Variants in ZNF91 observed in about 807,000 individuals in gnomAD.
The protein encoded by ZNF91 is zinc finger protein 91 (HPF7, HTF10).
Under a neutral mutation model 12.6 loss-of-function variants are expected in ZNF91, and 7 were observed. That is an observed-to-expected ratio of 0.55 (90% CI 0.31 to 1.04). The LOEUF (loss-of-function observed/expected upper bound fraction) is 1.04, where lower values mean the gene tolerates loss of function less well. Ranked by LOEUF, ZNF91 falls within the 50% of genes least tolerant of loss-of-function variation. The pLI, the probability that ZNF91 is intolerant of heterozygous loss-of-function variation, is 0.05. For synonymous variants in ZNF91, 453 were observed against 462.6 expected (o/e 0.98, Z 0.27); for missense variants, 1,217 against 1,385.4 (o/e 0.88, Z 1.93).
upstream of ZNF91, among the ~76,000 whole-genome samples, chr19:23,311,248 A>G (rs541757759): frequency 7.9e-5 from 12 of 152,006 alleles, no homozygotes; most frequent in East Asian, 2.1e-3. Context: ...ACCAATAAGG[A>G]ATTTGTATGT....
Position 23,321,175 on chromosome 19 carries a change from C to A in ZNF91, n.117-12078G>T, listed in dbSNP as rs140887423. On this transcript the variant is annotated intron_variant and non_coding_transcript_variant, in intron 1 of 1. Coordinates refer to the ZNF91 transcript ENST00000596528. ...TTGTGACATACGCCTCAGCCAAACACCTGATTTGACTCTCCTGCCTGGGCT... is the reference window on the plus strand; with the variant it reads ...TTGTGACATACGCCTCAGCCAAACAACTGATTTGACTCTCCTGCCTGGGCT... Among the ~76,000 whole-genome samples the A allele has an allele frequency of 7.4e-4, 113 of 152,224 alleles. 1 individual carries two copies. The East Asian group carries it at 0.02, about 27-fold the overall frequency.
At chr19:23,323,074 TTTTC>T (rs1204696098) in intron 1 of ZNF91, among the ~76,000 whole-genome samples, 2 of 147,760 alleles carry the variant, frequency 1.4e-5, no homozygotes, top group Non-Finnish European at 3.0e-5. Context: ...CCTCCCGTTT[TTTTC>T]TTTTCTTCCT....
Position 23,359,546 on chromosome 19 carries a change from G to C in ZNF91, c.3433C>G (p.Gln1145Glu). 1.9e-6 allele frequency: 3 copies of C among 1,614,012 alleles called. No individual in the cohort carries two copies. Among genetic ancestry groups the C allele is most frequent in the Non-Finnish European group, 2.5e-6 (3 of 1,179,958 alleles). Residue 1145 changes from glutamine (Q) to glutamate (E), a missense_variant, in exon 4 of 4, where the codon CAG (glutamine) becomes GAG (glutamate). Physicochemically the swap from Gln to Glu is conservative, Grantham distance 29. Transcript: ENST00000300619. ...TTATGGTTAGTAAGGATTGAAGACT[G>C]GTTAAAGGCTTTGCCACATTTTTCA... The part of the protein sequence containing the change: ...KCEKCGKAFN[Q>E]SSILTNHKKI...
chr19:23,342,408 A>C, intron 3 of ZNF91: 1 of 315,176 alleles, frequency 3.2e-6, no homozygotes, highest in Non-Finnish European at 5.8e-6. Context: ...AAACTTTTGA[A>C]TATTTAAAAC....
chr19:23,362,213 G>A lies in ZNF91; in HGVS notation c.766C>T (p.His256Tyr), dbSNP rs749511049. Residue 256 changes from histidine (H) to tyrosine (Y), a missense_variant, in exon 4 of 4, where the codon CAT becomes TAT. His to Tyr is a moderately conservative substitution (Grantham distance 83). This residue lies in a region of ZNF91 where 726 missense variants were observed against 895.5 expected (regional missense o/e 0.81). Transcript: ENST00000300619. ...TTCTCTTTAGCACAGATTATTTTAT[G>A]TGTAGTAAGGGTTGAGAGCTGCTTA... is the stretch of plus-strand genomic sequence containing the variant. ...AFKQLSTLTTHKIICAKEKIY... is the reference protein window; with the variant it reads ...AFKQLSTLTTYKIICAKEKIY... The A allele has an allele frequency of 1.1e-5, 18 of 1,613,022 alleles. No individual in the cohort carries two copies. The highest frequency in any genetic ancestry group is 1.5e-5 in the Non-Finnish European group (18 of 1,179,344).
intron 1 of ZNF91, among the ~76,000 whole-genome samples, chr19:23,376,194 G>A (rs1175707379): frequency 1.3e-5 from 2 of 151,886 alleles, no homozygotes; most frequent in African/African-American, 4.8e-5. Context: ...AGAATCCCAG[G>A]TTTTCTCCAT....
At chr19:23,371,980 G>A (rs1305836478) in intron 3 of ZNF91, among the ~76,000 whole-genome samples, 2 of 151,966 alleles carry the variant, frequency 1.3e-5, no homozygotes, top group African/African-American at 2.4e-5. Context: ...GCAAAATATG[G>A]TTAGAGCTTC....
At position 23,358,913 on chromosome 19, in the gene ZNF91, A is replaced by G. The variant is rs906262806; in HGVS notation, c.*490T>C. 2.2e-4 allele frequency: 50 copies of G among 228,892 alleles called. 1 individual carries two copies. The highest frequency in any genetic ancestry group is 8.2e-5 in the Non-Finnish European group (9 of 109,508). The allele number at this position is 228,892 out of a possible 1,614,324, so 14.2% of individuals were successfully genotyped here. On this transcript the variant is annotated 3_prime_UTR_variant, in exon 4 of 4. Transcript: ENST00000300619. ...ATATTATGTCTGTTAAGAATTCAGGACTTTTTATAGACTTTACCACATTAT... is the reference window on the plus strand; with the variant it reads ...ATATTATGTCTGTTAAGAATTCAGGGCTTTTTATAGACTTTACCACATTAT...
At chr19:23,384,675 G>A (rs1969817983) in intron 1 of ZNF91, 2 of 577,678 alleles carry the variant, frequency 3.5e-6, no homozygotes, top group Non-Finnish European at 6.2e-6. Context: ...AGAGGGCCAA[G>A]CATGACGTCT....
chr19:23,384,567 A>G, intron 1 of ZNF91: 2 of 1,142,676 alleles, frequency 1.8e-6, no homozygotes, highest in Middle Eastern at 3.5e-4. Context: ...AAAGCAGCCA[A>G]TAACAAGAAA....
chr19:23,372,651 G>C (rs1969331827), intron 3 of ZNF91, among the ~76,000 whole-genome samples: 1 of 152,182 alleles, frequency 6.6e-6, no homozygotes, highest in Non-Finnish European at 1.5e-5. Context: ...CCCAGCTACA[G>C]ACTTGGGGAG....
At chr19:23,367,519 A>C (rs1238021874) in intron 3 of ZNF91, among the ~76,000 whole-genome samples, 1 of 152,212 alleles carries the variant, frequency 6.6e-6, no homozygotes, top group African/African-American at 2.4e-5. Context: ...TAGAATCTTT[A>C]TAAAAATCCC....
At chr19:23,362,815 A>G (rs1599727352) in intron 3 of ZNF91, 90 bp from the exon 4 acceptor site, 1 of 1,289,608 alleles carries the variant, frequency 7.8e-7, no homozygotes, top group Non-Finnish European at 9.8e-7. Flanking sequence ...AAAATTATAC[A>G]AACTACATAA....
chr19:23,363,796 G>A (rs539300577), intron 3 of ZNF91, among the ~76,000 whole-genome samples: 53 of 151,896 alleles, frequency 3.5e-4, no homozygotes, highest in African/African-American at 1.0e-3. Context: ...ATGGAAAATC[G>A]GAAAAATGAG....
chr19:23,335,152 C>G (rs191423252), downstream of ZNF91, among the ~76,000 whole-genome samples: 3 of 152,306 alleles, frequency 2.0e-5, no homozygotes, highest in Non-Finnish European at 2.9e-5. Flanking sequence ...TATTGCAGAA[C>G]AGCAAATGTT....
At position 23,317,238 on chromosome 19, in the gene ZNF91, CG is replaced by C. The variant is rs1216855685; in HGVS notation, n.117-8142del. ...CTATTTTTTGTATTTTTAGTAGAGACGGGGTTTCACCGTCTTAGCTAGGATG... is the reference window on the plus strand; with the variant it reads ...CTATTTTTTGTATTTTTAGTAGAGACGGGTTTCACCGTCTTAGCTAGGATG... On this transcript the variant is annotated intron_variant and non_coding_transcript_variant, in intron 1 of 1. Coordinates refer to the ZNF91 transcript ENST00000596528. Among the ~76,000 whole-genome samples, 4 of 152,094 alleles carry C rather than the reference CG, an allele frequency of 2.6e-5. No homozygotes were observed. The South Asian group carries it at 8.3e-4, about 32-fold the overall frequency.
At chr19:23,340,801 GA>G (rs199613031) in intron 3 of ZNF91, among the ~76,000 whole-genome samples, 11,670 of 148,308 alleles carry the variant, frequency 0.079, 584 homozygotes, top group East Asian at 0.13. Flanking sequence ...TTTTGGCACA[GA>G]AAAAAAAATC....
At chr19:23,386,608 G>T (rs991683673) in intron 1 of ZNF91, among the ~76,000 whole-genome samples, 1 of 152,160 alleles carries the variant, frequency 6.6e-6, no homozygotes, top group East Asian at 1.9e-4. Context: ...GCACTATGGA[G>T]AAGACTAAAA....
Position 23,362,478 on chromosome 19 carries a change from T to C in ZNF91, c.501A>G (p.Leu167=). 1 of 1,604,320 alleles carries C rather than the reference T, an allele frequency of 6.2e-7. No individual in the cohort carries two copies. The highest frequency in any genetic ancestry group is 8.5e-7 in the Non-Finnish European group (1 of 1,176,956). Residue 167 remains leucine, a synonymous_variant, in exon 4 of 4, where the codon TTA becomes TTG. Transcript: ENST00000300619. ...GTCTTATCGTATGTCTGTTTGAATT[T>C]AAAAATTTATAGAAGACTTTCAAAT... ...GKYLKVFYKF[L]NSNRHTIRHT...
Sources: gnomAD v4.1 joint callset for allele counts (sites outside exome capture counted in the v4.1 genomes callset) on GRCh38, gnomAD v4.1.1 for gene constraint, gnomAD v4.1.1 regional missense constraint, MANE v1.5 for transcripts, NCBI Gene and HGNC (gene_info 2026-07-23, HGNC 2026-07-21) for gene names.